The following AUTS2 variants were observed in gnomAD, a reference collection of about 807,000 sequenced individuals.
AUTS2 encodes the protein autism susceptibility gene 2 protein.
AUTS2 carries 17 observed loss-of-function variants against 112.4 expected under a neutral mutation model. The ratio of observed to expected loss-of-function variants is 0.15; its 90% confidence interval spans 0.10 to 0.23. The LOEUF (loss-of-function observed/expected upper bound fraction) is 0.23, where lower values mean the gene tolerates loss of function less well. AUTS2 is among the 10% of genes least tolerant of loss of function. The pLI, the probability that AUTS2 is intolerant of heterozygous loss-of-function variation, is 1.00. For missense variants in AUTS2, 1,510 were observed against 1,701.6 expected (o/e 0.89, Z 1.98); for synonymous variants, 751 against 702.7 (o/e 1.07, Z -1.09).
intron 6 of AUTS2, among the ~76,000 whole-genome samples, chr7:70,717,358 A>T (rs929624668): frequency 2.0e-5 from 3 of 151,796 alleles, no homozygotes. Context: ...CTTTTTAAAT[A>T]TTTTTGTAGA....
At chr7:70,513,129 CT>C (rs1369355742) in intron 5 of AUTS2, among the ~76,000 whole-genome samples, 1 of 152,218 alleles carries the variant, frequency 6.6e-6, no homozygotes, top group Non-Finnish European at 1.5e-5. Flanking sequence ...CAGTAACAGC[CT>C]TATTATCACA....
At chr7:70,372,807 C>T (rs528691525) in intron 4 of AUTS2, among the ~76,000 whole-genome samples, 1 of 151,940 alleles carries the variant, frequency 6.6e-6, no homozygotes, top group Non-Finnish European at 1.5e-5. Flanking sequence ...TTGCAAGGCC[C>T]AGGGGACTAA....
chr7:70,542,909 G>A (rs892025045), intron 5 of AUTS2, among the ~76,000 whole-genome samples: 2 of 152,084 alleles, frequency 1.3e-5, no homozygotes, highest in African/African-American at 4.8e-5. Flanking sequence ...TGGGTGATTG[G>A]GTAAGAGGAT....
chr7:70,451,200 A>G (rs541689344), intron 5 of AUTS2, among the ~76,000 whole-genome samples: 1 of 152,206 alleles, frequency 6.6e-6, no homozygotes, highest in Non-Finnish European at 1.5e-5. Context: ...AACAAAATAA[A>G]TACTGGGGAC....
chr7:69,957,385 T>C (rs1254176006), intron 2 of AUTS2, among the ~76,000 whole-genome samples: 4 of 152,092 alleles, frequency 2.6e-5, no homozygotes, highest in Non-Finnish European at 4.4e-5. Flanking sequence ...AGTGAGAACT[T>C]AGGTTTATAT....
intron 2 of AUTS2, among the ~76,000 whole-genome samples, chr7:69,972,713 A>G (rs957664771): frequency 2.0e-5 from 3 of 151,080 alleles, no homozygotes; most frequent in Non-Finnish European, 4.4e-5. Flanking sequence ...ACGTTCCTGT[A>G]TATGTCCAGT....
intron 5 of AUTS2, among the ~76,000 whole-genome samples, chr7:70,503,665 GCAC>G (rs1474643781): frequency 1.3e-5 from 2 of 151,478 alleles, no homozygotes; most frequent in Non-Finnish European, 2.9e-5. Context: ...CTACAGGTGT[GCAC>G]CACCATGCCC....
chr7:70,122,707 A>G (rs1248234097), intron 3 of AUTS2, among the ~76,000 whole-genome samples: 1 of 152,114 alleles, frequency 6.6e-6, no homozygotes, highest in Admixed American at 6.6e-5. Context: ...TTTTTGCAAC[A>G]TTACTGAAAA....
chr7:70,129,903 G>T lies in AUTS2; in HGVS notation c.625-4633G>T, dbSNP rs201920098. Among the ~76,000 whole-genome samples the T allele has an allele frequency of 2.2e-3, 180 of 83,258 alleles. 1 individual carries two copies. The highest frequency in any genetic ancestry group is 8.9e-3 in the African/African-American group (147 of 16,588). The allele number at this position is 83,258 out of a possible 152,430, so 54.6% of individuals were successfully genotyped here. On this transcript the variant is annotated intron_variant, in intron 3 of 18. Coordinates refer to ENST00000342771, the MANE Select transcript of AUTS2 (RefSeq NM_015570.4). ...TCAATCAAATATATATATATATATT[G>T]TGTGTGTGTGTGTGTGTGTGTGTGT...
chr7:69,912,070 G>A (rs985520411), intron 2 of AUTS2, among the ~76,000 whole-genome samples: 2 of 152,212 alleles, frequency 1.3e-5, no homozygotes, highest in Admixed American at 6.5e-5. Context: ...GCTCATGGGT[G>A]CCCAAAATCT....
intron 3 of AUTS2, among the ~76,000 whole-genome samples, chr7:70,123,727 A>G (rs1167350022): frequency 6.6e-6 from 1 of 152,102 alleles, no homozygotes; most frequent in Non-Finnish European, 1.5e-5. Flanking sequence ...ACATATACCA[A>G]ATTTTCTTTA....
chr7:69,939,952 T>TAAC lies in AUTS2; in HGVS notation c.522+40462_522+40464dup, dbSNP rs1169276993. ...AACAAGGCAGATATTCCACTCATCA[T>TAAC]AACAACAACAGTAGTAATCATACCA... is the stretch of plus-strand genomic sequence containing the variant. On this transcript the variant is annotated intron_variant, in intron 2 of 18. Transcript: ENST00000342771. 2.0e-5 allele frequency among the ~76,000 whole-genome samples: 3 copies of TAAC among 152,230 alleles called. No homozygotes were observed. The East Asian group carries it at 5.8e-4, about 29-fold the overall frequency.
intron 5 of AUTS2, among the ~76,000 whole-genome samples, chr7:70,583,699 C>T (rs1375419341): frequency 2.0e-5 from 3 of 152,212 alleles, no homozygotes; most frequent in African/African-American, 4.8e-5. Flanking sequence ...GCACCATGAC[C>T]GCTGAAACCC....
intron 4 of AUTS2, among the ~76,000 whole-genome samples, chr7:70,352,198 G>A (rs749562250): frequency 5.9e-5 from 9 of 152,174 alleles, no homozygotes; most frequent in Non-Finnish European, 1.3e-4. Flanking sequence ...AAGTCATGAA[G>A]CCAGCCAGAA....
intron 2 of AUTS2, among the ~76,000 whole-genome samples, chr7:69,900,021 T>C (rs1794908829): frequency 6.6e-6 from 1 of 152,228 alleles, no homozygotes; most frequent in African/African-American, 2.4e-5. Flanking sequence ...TTGTTCTCCA[T>C]AGGCTATAAT....
intron 1 of AUTS2, among the ~76,000 whole-genome samples, chr7:69,766,435 C>G (rs1788423218): frequency 6.6e-6 from 1 of 152,170 alleles, no homozygotes; most frequent in South Asian, 2.1e-4. Flanking sequence ...TTCTTGAGAA[C>G]CCCCTTTAAA....
intron 4 of AUTS2, among the ~76,000 whole-genome samples, chr7:70,274,220 C>T (rs146426307): frequency 2.6e-5 from 4 of 152,010 alleles, no homozygotes; most frequent in Non-Finnish European, 4.4e-5. Flanking sequence ...TTAATATCTT[C>T]AGCATTTTTC....
chr7:70,410,066 C>G (rs962398843), intron 4 of AUTS2, among the ~76,000 whole-genome samples: 1 of 152,174 alleles, frequency 6.6e-6, no homozygotes, highest in Non-Finnish European at 1.5e-5. Flanking sequence ...GGTGTTAGAA[C>G]TTTTTCCCTC....
At position 70,790,732 on chromosome 7, in the gene AUTS2, C is replaced by G. The variant is rs143232502; in HGVS notation, c.3516C>G (p.Pro1172=). Residue 1172 remains proline (P), a synonymous_variant, in exon 19 of 19, where the codon CCC becomes CCG. Transcript: ENST00000342771. This position sits in a 1 kb window ranked among gnomAD's most constrained non-coding sequence, Gnocchi z 7.6. Reference sequence around the variant, plus strand: ...ACACGCGGCTCCACTCCGTGCACCCCGCCTCCCTCGACGGACACCTCCCCC... The same window carrying G: ...ACACGCGGCTCCACTCCGTGCACCCGGCCTCCCTCGACGGACACCTCCCCC... ...YEHTRLHSVH[P]ASLDGHLPHP... The G allele has an allele frequency of 1.6e-4, 266 of 1,613,492 alleles. No individual in the cohort carries two copies. The highest frequency in any genetic ancestry group is 2.2e-4 in the Non-Finnish European group (257 of 1,179,962).
Sources: gnomAD v4.1 joint callset for allele counts (sites outside exome capture counted in the v4.1 genomes callset) on GRCh38, gnomAD v4.1.1 for gene constraint, Gnocchi (gnomAD v3.1) non-coding constraint, MANE v1.5 for transcripts, NCBI Gene and HGNC (gene_info 2026-07-23, HGNC 2026-07-21) for gene names.